The following RNF220 variants were observed in gnomAD, a reference collection of about 807,000 sequenced individuals.
The protein encoded by RNF220 is ring finger protein 220.
In RNF220, 7 loss-of-function variants were observed where a neutral mutation model predicts 67.1. That is an observed-to-expected ratio of 0.10 (90% CI 0.06 to 0.20). The LOEUF (loss-of-function observed/expected upper bound fraction) is 0.20, where lower values mean the gene tolerates loss of function less well. RNF220 is among the 10% of genes least tolerant of loss of function. The probability of loss-of-function intolerance (pLI) is 1.00; values close to 1 mark genes in which losing one functional copy is unlikely to be tolerated. For missense variants in RNF220, 565 were observed against 740.3 expected (o/e 0.76, Z 2.75); for synonymous variants, 270 against 283.2 (o/e 0.95, Z 0.47).
chr1:44,418,974 T>C (rs543967511), intron 2 of RNF220, among the ~76,000 whole-genome samples: 1 of 152,222 alleles, frequency 6.6e-6, no homozygotes, highest in East Asian at 1.9e-4. Context: ...GTGCTCTTTA[T>C]AAATACTTGA....
Position 44,632,402 on chromosome 1 carries a change from CCCTCCCTCCGCCCCACCCCCGGCCT to C in RNF220, c.949+27_949+51del, listed in dbSNP as rs747179111. 19 of 1,607,488 alleles carry C rather than the reference CCCTCCCTCCGCCCCACCCCCGGCCT, an allele frequency of 1.2e-5. No homozygotes were observed. The highest frequency in any genetic ancestry group is 3.3e-5 in the South Asian group (3 of 90,820). ...GACTGAATGGTGAGTCCTGCCCGGC[CCCTCCCTCCGCCCCACCCCCGGCCT>C]CCTCCCTCCCTCCCTCACTGCCTGC... On this transcript the variant is annotated intron_variant, in intron 6 of 14. Transcript: ENST00000361799.
At chr1:44,638,738 C>G (rs555972541) in intron 8 of RNF220, among the ~76,000 whole-genome samples, 1 of 152,184 alleles carries the variant, frequency 6.6e-6, no homozygotes, top group Non-Finnish European at 1.5e-5. Flanking sequence ...TGAGGAGGAG[C>G]TCCAGATATC....
In RNF220 at chr1:44,445,849, GA is replaced by G. The variant is rs1652025425; in HGVS notation, c.625+33129del. ...ATACATGAGTCCTTTCAAGCCATGG[GA>G]AGCCCCTTGAAGGTAGAGGAATTGC... is the stretch of plus-strand genomic sequence containing the variant. On this transcript the variant is annotated intron_variant, in intron 2 of 14. Transcript: ENST00000361799. 2.6e-5 allele frequency among the ~76,000 whole-genome samples: 4 copies of G among 152,144 alleles called. 1 individual carries two copies. Among genetic ancestry groups the G allele is most frequent in the African/African-American group, 9.6e-5 (4 of 41,560 alleles).
chr1:44,495,372 G>A (rs755909838), intron 2 of RNF220, among the ~76,000 whole-genome samples: 2 of 152,128 alleles, frequency 1.3e-5, no homozygotes, highest in South Asian at 2.1e-4. Context: ...TGCTAGGCAC[G>A]AAGGTTACAG....
At chr1:44,469,804 C>T (rs1164154206) in intron 2 of RNF220, among the ~76,000 whole-genome samples, 1 of 152,152 alleles carries the variant, frequency 6.6e-6, no homozygotes, top group African/African-American at 2.4e-5. Context: ...AAACAGTAGG[C>T]AGAGGCAATC....
intron 2 of RNF220, among the ~76,000 whole-genome samples, chr1:44,554,936 C>T (rs1028215589): frequency 5.9e-5 from 9 of 152,154 alleles, no homozygotes; most frequent in African/African-American, 2.2e-4. Context: ...AATTCTGATT[C>T]CTTAATTCCT....
chr1:44,610,436 TC>T (rs1643240263), intron 2 of RNF220, among the ~76,000 whole-genome samples: 1 of 152,126 alleles, frequency 6.6e-6, no homozygotes, highest in Admixed American at 6.5e-5. Context: ...CCTGTCCCCA[TC>T]CCCATCCCCT....
intron 2 of RNF220, among the ~76,000 whole-genome samples, chr1:44,518,262 T>TA (rs923494475): frequency 5.7e-4 from 87 of 151,558 alleles, no homozygotes; most frequent in African/African-American, 1.8e-3. Flanking sequence ...CCCATCTCTA[T>TA]AAAAAATAAA....
At chr1:44,550,753 C>G (rs774146524) in intron 2 of RNF220, among the ~76,000 whole-genome samples, 1 of 152,106 alleles carries the variant, frequency 6.6e-6, no homozygotes. Context: ...GTTTCCAGCC[C>G]GTTTAGTTCT....
intron 2 of RNF220, among the ~76,000 whole-genome samples, chr1:44,415,103 G>T (rs922945242): frequency 1.3e-5 from 2 of 149,048 alleles, no homozygotes; most frequent in Non-Finnish European, 3.0e-5. Flanking sequence ...TTTTTGGAAG[G>T]CAGGAGAAGT....
At chr1:44,460,506 G>A (rs142806475) in intron 2 of RNF220, among the ~76,000 whole-genome samples, 3 of 152,212 alleles carry the variant, frequency 2.0e-5, no homozygotes, top group Admixed American at 6.5e-5. Context: ...AAATATGTCA[G>A]TAGGCTGATT....
rs547928602 is a variant in RNF220, at chr1:44,405,388, T to TGCTGCTGCCGCTGCTGCC, written c.-246_-245insTGCCGCTGCTGCCGCTGC. ...GGGGCCAGCCGCCTACTGCTGCTGC[T>TGCTGCTGCCGCTGCTGCC]GCTGCTGCCGCTGCCGCCGCCGCCG... On this transcript the variant is annotated 5_prime_UTR_variant, in exon 1 of 15. Transcript: ENST00000361799. 4.0e-5 allele frequency: 25 copies of TGCTGCTGCCGCTGCTGCC among 629,280 alleles called. No homozygotes were observed. Among genetic ancestry groups the TGCTGCTGCCGCTGCTGCC allele is most frequent in the Middle Eastern group, 6.5e-4 (2 of 3,070 alleles). 39.0% of individuals were successfully genotyped at this position (629,280 alleles called of 1,614,324 possible).
intron 2 of RNF220, among the ~76,000 whole-genome samples, chr1:44,448,670 A>G (rs1056823645): frequency 6.6e-6 from 1 of 152,230 alleles, no homozygotes; most frequent in African/African-American, 2.4e-5. Flanking sequence ...ATCAACAAAC[A>G]TGTCTTGAGA....
At position 44,524,776 on chromosome 1, in the gene RNF220, C is replaced by T. The variant is rs1382441324; in HGVS notation, c.626-89389C>T. 3.3e-5 allele frequency among the ~76,000 whole-genome samples: 5 copies of T among 152,286 alleles called. No homozygotes were observed. In the East Asian group the frequency reaches 5.8e-4, roughly 18 times the overall value. On this transcript the variant is annotated intron_variant, in intron 2 of 14. Transcript: ENST00000361799. ...CCGCTAATCGCATTACTGCCCTTGA[C>T]GTTTTACAGATATCATATTATGGGC...
At chr1:44,469,827 G>A (rs889893080) in intron 2 of RNF220, among the ~76,000 whole-genome samples, 3 of 152,182 alleles carry the variant, frequency 2.0e-5, no homozygotes, top group Non-Finnish European at 4.4e-5. Context: ...AGGTGCAAAG[G>A]CCCTACCAGG....
rs1384988320 is a variant in RNF220, at chr1:44,412,002, C to G, written c.-96C>G. 1.5e-6 allele frequency: 2 copies of G among 1,340,134 alleles called. No homozygotes were observed. Among genetic ancestry groups the G allele is most frequent in the African/African-American group, 2.9e-5 (2 of 68,336 alleles). The allele number at this position is 1,340,134 out of a possible 1,614,324, so 83.0% of individuals were successfully genotyped here. On this transcript the variant is annotated 5_prime_UTR_variant, in exon 2 of 15. Coordinates refer to ENST00000361799, the MANE Select transcript of RNF220 (RefSeq NM_018150.4). The surrounding 1 kb of genome is among the most constrained non-coding windows in gnomAD (Gnocchi z 5.3). ...ACAGGTCTTAGGAGGGAATGATTCC[C>G]CAGTAATATTCCCTGCCCTGACCCA...
At chr1:44,460,015 A>G (rs1653605737) in intron 2 of RNF220, among the ~76,000 whole-genome samples, 1 of 152,034 alleles carries the variant, frequency 6.6e-6, no homozygotes, top group African/African-American at 2.4e-5. Flanking sequence ...TGTGTGGGAG[A>G]GGGGGATGAA....
At chr1:44,520,128 T>TGTGAGAGAGA (rs796131470) in intron 2 of RNF220, among the ~76,000 whole-genome samples, 1 of 113,374 alleles carries the variant, frequency 8.8e-6, no homozygotes, top group African/African-American at 3.2e-5. Context: ...TGTGTGTGTG[T>TGTGAGAGAGA]GAGAGAGAGA....
intron 1 of RNF220, among the ~76,000 whole-genome samples, chr1:44,409,136 A>T (rs113220083): frequency 6.7e-6 from 1 of 150,044 alleles, no homozygotes; most frequent in African/African-American, 2.5e-5. Context: ...CTCACTAATT[A>T]TTCAGATAGC....
Sources: allele counts gnomAD v4.1 joint callset (sites outside exome capture counted in the v4.1 genomes callset), GRCh38; gene constraint gnomAD v4.1.1; non-coding constraint Gnocchi (gnomAD v3.1); transcripts MANE v1.5; gene names NCBI Gene and HGNC (gene_info 2026-07-23, HGNC 2026-07-21).